LRRC4C: variants seen among roughly 807,000 people sequenced by gnomAD.
The protein encoded by LRRC4C is leucine-rich repeat-containing protein 4C.
In LRRC4C, 5 loss-of-function variants were observed where a neutral mutation model predicts 33.6. The observed-to-expected ratio is 0.15, with a 90% CI of 0.08 to 0.31. LRRC4C has a LOEUF of 0.31. LRRC4C is among the 10% of genes least tolerant of loss of function. The pLI is 1.00. For missense variants in LRRC4C, 560 were observed against 796.7 expected (o/e 0.70, Z 3.58); for synonymous variants, 329 against 302.0 (o/e 1.09, Z -0.93).
Position 40,114,751 on chromosome 11 carries a change from A to C in LRRC4C, c.1542T>G (p.Ser514Arg). ...TGACCTCATCAATTCCTGGGATCCC[A>C]CTGTTTATATCAGTCACTGGGATGG... ...TFTIPVTDIN[S>R]GIPGIDEVMK... The change falls in exon 7 of 7, where the codon AGT becomes AGG. Residue 514 changes from serine (S) to arginine (R), a missense_variant. Around this residue, in one of 3 missense-constraint regions of LRRC4C, gnomAD observed 455 missense variants for 643.8 expected, o/e 0.71. Coordinates refer to ENST00000528697, the MANE Select transcript of LRRC4C (RefSeq NM_001258419.2). 1 of 1,614,082 alleles carries C rather than the reference A, an allele frequency of 6.2e-7. No individual in the cohort carries two copies. Among genetic ancestry groups the C allele is most frequent in the Non-Finnish European group, 8.5e-7 (1 of 1,180,016 alleles).
intron 1 of LRRC4C, among the ~76,000 whole-genome samples, chr11:41,382,279 A>C (rs1953186078): frequency 6.6e-6 from 1 of 152,180 alleles, no homozygotes; most frequent in African/African-American, 2.4e-5. Flanking sequence ...AAACAATCAA[A>C]ACTTAAGAAA....
At chr11:40,314,205 G>A (rs1718885604) in intron 4 of LRRC4C, among the ~76,000 whole-genome samples, 1 of 151,684 alleles carries the variant, frequency 6.6e-6, no homozygotes. Context: ...CAAAAACAAA[G>A]CAAACAATCT....
chr11:40,833,485 T>A (rs1477096276), intron 2 of LRRC4C, among the ~76,000 whole-genome samples: 6 of 152,144 alleles, frequency 3.9e-5, no homozygotes, highest in East Asian at 1.9e-4. Flanking sequence ...GAGATTTTTT[T>A]AAATATTATG....
intron 1 of LRRC4C, among the ~76,000 whole-genome samples, chr11:41,039,802 T>C (rs753139752): frequency 4.6e-5 from 7 of 152,040 alleles, no homozygotes; most frequent in Non-Finnish European, 8.8e-5. Context: ...ATACCAGGCC[T>C]CCATTAGTGA....
chr11:40,854,050 G>T (rs1953646715), intron 2 of LRRC4C, among the ~76,000 whole-genome samples: 1 of 152,186 alleles, frequency 6.6e-6, no homozygotes, highest in Non-Finnish European at 1.5e-5. Context: ...CTTGAAACCA[G>T]TAGGCGTCAC....
intron 5 of LRRC4C, among the ~76,000 whole-genome samples, chr11:40,221,501 T>C (rs1346187748): frequency 1.3e-5 from 2 of 152,146 alleles, no homozygotes; most frequent in African/African-American, 4.8e-5. Context: ...TAGATACCAT[T>C]TCCATTTCTT....
chr11:40,669,031 T>C (rs1943953619), intron 2 of LRRC4C, among the ~76,000 whole-genome samples: 1 of 152,220 alleles, frequency 6.6e-6, no homozygotes, highest in South Asian at 2.1e-4. Context: ...TAAAGGCAAA[T>C]ATAAATCTTA....
At chr11:41,099,389 A>AAT (rs1322580147) in intron 1 of LRRC4C, among the ~76,000 whole-genome samples, 25 of 150,640 alleles carry the variant, frequency 1.7e-4, no homozygotes, top group African/African-American at 6.2e-4. Flanking sequence ...AAAAAAAAAA[A>AAT]GAAAAAAAAA....
chr11:41,133,305 G>T (rs955514061), intron 1 of LRRC4C, among the ~76,000 whole-genome samples: 2 of 152,050 alleles, frequency 1.3e-5, no homozygotes, highest in African/African-American at 4.8e-5. Flanking sequence ...GGGGATGGTG[G>T]GGAAAGTGAT....
intron 1 of LRRC4C, among the ~76,000 whole-genome samples, chr11:41,303,116 T>A (rs1950332904): frequency 1.8e-5 from 2 of 108,866 alleles, no homozygotes; most frequent in Admixed American, 1.1e-4. Flanking sequence ...CCTCTCCCTC[T>A]CCCTCACCCC....
intron 1 of LRRC4C, among the ~76,000 whole-genome samples, chr11:41,043,675 G>A (rs371486825): frequency 2.0e-5 from 3 of 151,586 alleles, no homozygotes; most frequent in Middle Eastern, 3.2e-3. Flanking sequence ...CCAAGCTCAC[G>A]TACTTAGTAA....
intron 3 of LRRC4C, among the ~76,000 whole-genome samples, chr11:40,463,166 G>A (rs1264998061): frequency 3.3e-5 from 5 of 152,060 alleles, no homozygotes; most frequent in Non-Finnish European, 1.5e-5. Flanking sequence ...CAATGAGGAA[G>A]AAAAACACTT....
chr11:41,230,434 C>A (rs1186471491), intron 1 of LRRC4C, among the ~76,000 whole-genome samples: 2 of 152,018 alleles, frequency 1.3e-5, no homozygotes, highest in African/African-American at 4.8e-5. Flanking sequence ...AGGCAAATCC[C>A]ACTTTCTCAG....
intron 1 of LRRC4C, among the ~76,000 whole-genome samples, chr11:41,455,899 T>A (rs1179281249): frequency 1.3e-5 from 2 of 152,146 alleles, no homozygotes; most frequent in Non-Finnish European, 2.9e-5. Flanking sequence ...GTTTTTTTCT[T>A]CTAATTTTAA....
intron 1 of LRRC4C, among the ~76,000 whole-genome samples, chr11:41,099,876 T>C (rs1349722193): frequency 6.6e-6 from 1 of 152,050 alleles, no homozygotes; most frequent in Non-Finnish European, 1.5e-5. Flanking sequence ...GGTATCCAAA[T>C]AGGAAGAAAG....
intron 2 of LRRC4C, among the ~76,000 whole-genome samples, chr11:40,882,417 T>C (rs534485392): frequency 2.0e-5 from 3 of 152,144 alleles, no homozygotes; most frequent in Non-Finnish European, 4.4e-5. Flanking sequence ...TCACACTACC[T>C]ACGGCCTGTG....
At chr11:40,882,647 A>G (rs908469041) in intron 2 of LRRC4C, among the ~76,000 whole-genome samples, 2 of 152,068 alleles carry the variant, frequency 1.3e-5, no homozygotes, top group African/African-American at 4.8e-5. Flanking sequence ...CCAATGAAGT[A>G]CATCCTGTTA....
intron 3 of LRRC4C, among the ~76,000 whole-genome samples, chr11:40,405,314 C>T (rs7946870): frequency 0.33 from 49,699 of 151,598 alleles, 9,629 homozygotes; most frequent in South Asian, 0.47. Flanking sequence ...GAGATATTCC[C>T]CAAAATGGTC....
chr11:40,549,489 A>G (rs1957053686), intron 3 of LRRC4C, among the ~76,000 whole-genome samples: 1 of 152,202 alleles, frequency 6.6e-6, no homozygotes, highest in African/African-American at 2.4e-5. Context: ...AGCCTAAATC[A>G]GATGCTTACA....
Sources: allele counts gnomAD v4.1 joint callset (sites outside exome capture counted in the v4.1 genomes callset), GRCh38; gene constraint gnomAD v4.1.1; regional missense constraint gnomAD v4.1.1; transcripts MANE v1.5; gene names NCBI Gene and HGNC (gene_info 2026-07-23, HGNC 2026-07-21).